Variants in AHCY observed in about 807,000 individuals in gnomAD.
AHCY encodes S-adenosyl-L-homocysteine hydrolase.
A neutral mutation model predicts 45.4 loss-of-function variants in AHCY; 24 were observed. The observed-to-expected ratio is 0.53, with a 90% CI of 0.38 to 0.74. AHCY has a LOEUF of 0.74. AHCY is among the 30% of genes least tolerant of loss of function. The pLI is 0.00. For synonymous variants in AHCY, 245 were observed against 235.1 expected, an observed-to-expected ratio of 1.04 and a Z score of -0.39; for missense variants, 449 against 594.1, an observed-to-expected ratio of 0.76 and a Z score of 2.54.
downstream of AHCY, among the ~76,000 whole-genome samples, chr20:34,278,557 T>A (rs1032173957): frequency 2.6e-5 from 4 of 152,118 alleles, no homozygotes; most frequent in African/African-American, 9.7e-5. Context: ...GCCCTCTGGT[T>A]TACAGTTCCA....
intron 2 of AHCY, among the ~76,000 whole-genome samples, chr20:34,294,360 TCACTCCA>T (rs2036504202): frequency 6.6e-6 from 1 of 152,104 alleles, no homozygotes; most frequent in African/African-American, 2.4e-5. Flanking sequence ...TTTTAAAACC[TCACTCCA>T]GTGCTGTGTG....
upstream of AHCY, among the ~76,000 whole-genome samples, chr20:34,306,079 CAAAAA>C (rs56039506): frequency 6.8e-5 from 7 of 103,100 alleles, no homozygotes; most frequent in Admixed American, 1.1e-4. Context: ...AAGACTGCCT[CAAAAA>C]AAAAAAAAAA....
chr20:34,299,174 G>GA (rs2036688261), intron 1 of AHCY, among the ~76,000 whole-genome samples: 1 of 151,952 alleles, frequency 6.6e-6, no homozygotes, highest in Non-Finnish European at 1.5e-5. Flanking sequence ...GAGACCCACC[G>GA]ACCCTATGGG....
At chr20:34,262,446 A>G in the AHCY span, among the ~76,000 whole-genome samples, 1 of 152,180 alleles carries the variant, frequency 6.6e-6, no homozygotes, top group Non-Finnish European at 1.5e-5. Flanking sequence ...ACAAGACAGG[A>G]GTCCATTTTC....
rs774178346 is a variant in AHCY, at chr20:34,290,804, G to A, written c.693C>T (p.Ala231=). Residue 231 remains alanine (A), a synonymous_variant, in exon 6 of 10, where the codon GCC becomes GCT. Transcript: ENST00000217426. The surrounding 1 kb of genome is among the most constrained non-coding windows in gnomAD (Gnocchi z 4.5). The stretch of plus-strand genomic sequence containing the variant: ...TGACGCGGGCTCCGAAACCCCGCAG[G>A]GCCTGGGCACAGCCCTTGCCCACAT... The part of the protein sequence containing the change: ...YGDVGKGCAQ[A]LRGFGARVII... The A allele has an allele frequency of 6.2e-7, 1 of 1,614,084 alleles. No homozygotes were observed. Among genetic ancestry groups the A allele is most frequent in the Non-Finnish European group, 8.5e-7 (1 of 1,180,012 alleles).
the AHCY span, among the ~76,000 whole-genome samples, chr20:34,244,476 C>T: frequency 2.6e-5 from 4 of 152,106 alleles, no homozygotes; most frequent in African/African-American, 9.7e-5. Context: ...CTGAGGTGCC[C>T]GCCTTTGACA....
At chr20:34,243,467 T>A in the AHCY span, among the ~76,000 whole-genome samples, 1 of 151,136 alleles carries the variant, frequency 6.6e-6, no homozygotes, top group South Asian at 2.1e-4. Context: ...TTATTCTGAA[T>A]TTTTTTTTAC....
the AHCY span, among the ~76,000 whole-genome samples, chr20:34,268,518 T>C: frequency 1.3e-5 from 2 of 151,080 alleles, no homozygotes; most frequent in African/African-American, 4.9e-5. Flanking sequence ...AGCTCAAGAG[T>C]TTGAGACCAA....
Position 34,292,372 on chromosome 20 carries a change from G to C in AHCY, c.431C>G (p.Pro144Arg), listed in dbSNP as rs556286156. The change falls in exon 4 of 10, where the codon CCG becomes CGG. Residue 144 changes from proline to arginine, a missense_variant. Pro to Arg is a moderately radical substitution (Grantham distance 103, BLOSUM62 -2). Transcript: ENST00000217426. Reference protein sequence around the residue: ...DLTNLIHTKYPQLLPGIRGIS... With the variant: ...DLTNLIHTKYRQLLPGIRGIS... Reference sequence around the variant, plus strand: ...GCCCTGCTCACCTGGCAGAAGCTGCGGGTACTTGGTGTGGATGAGGTTGGT... The same window carrying C: ...GCCCTGCTCACCTGGCAGAAGCTGCCGGTACTTGGTGTGGATGAGGTTGGT... 3.7e-6 allele frequency: 6 copies of C among 1,613,328 alleles called. No homozygotes were observed. Among genetic ancestry groups the C allele is most frequent in the Non-Finnish European group, 5.1e-6 (6 of 1,179,994 alleles).
intron 9 of AHCY, among the ~76,000 whole-genome samples, chr20:34,284,908 TC>T (rs914620471): frequency 6.6e-6 from 1 of 152,220 alleles, no homozygotes; most frequent in Non-Finnish European, 1.5e-5. Flanking sequence ...TCTCTGGCTC[TC>T]CTGAAAGGTT....
chr20:34,235,611 T>G, the AHCY span, among the ~76,000 whole-genome samples: 549 of 151,810 alleles, frequency 3.6e-3, 2 homozygotes, highest in Middle Eastern at 0.017. Context: ...ACAAAAAGTT[T>G]GTTTGTGATG....
In AHCY at chr20:34,303,343, G is replaced by C; in HGVS notation, c.-73C>G. 2 of 1,545,108 alleles carry C rather than the reference G, an allele frequency of 1.3e-6. No individual in the cohort carries two copies. The highest frequency in any genetic ancestry group is 1.8e-6 in the Non-Finnish European group (2 of 1,141,038). ...TCTGGGAACAGGAACTGGGCGGGCAGCGCCGAGCAGGGATATGCGCGTGGC... is the reference window on the plus strand; with the variant it reads ...TCTGGGAACAGGAACTGGGCGGGCACCGCCGAGCAGGGATATGCGCGTGGC... On this transcript the variant is annotated 5_prime_UTR_variant, in exon 1 of 10. Transcript: ENST00000217426.
At chr20:34,269,669 G>A in the AHCY span, among the ~76,000 whole-genome samples, 11 of 151,950 alleles carry the variant, frequency 7.2e-5, 1 homozygote, top group South Asian at 2.3e-3. Context: ...AAGAGGCCAA[G>A]CGCGGTGGCT....
rs764698901 is a variant in AHCY, at chr20:34,285,467, G to T, written c.1140C>A (p.Pro380=). 3 of 1,613,918 alleles carry T rather than the reference G, an allele frequency of 1.9e-6. No individual in the cohort carries two copies. Among genetic ancestry groups the T allele is most frequent in the Non-Finnish European group, 2.5e-6 (3 of 1,179,926 alleles). Residue 380 remains proline, a synonymous_variant, in exon 9 of 10, where the codon CCC becomes CCA. Coordinates refer to ENST00000217426, the MANE Select transcript of AHCY (RefSeq NM_000687.4). ...IELWTHPDKY[P]VGVHFLPKKL... is the part of the protein sequence containing the mutation. The stretch of plus-strand genomic sequence containing the variant: ...TCTTGGGCAGGAAATGAACCCCAAC[G>T]GGGTACTTGTCTGGATGGGTCCACA...
chr20:34,281,318 T>C, intron 9 of AHCY, 153 bp from the exon 10 acceptor site: 1 of 1,293,438 alleles, frequency 7.7e-7, no homozygotes. Flanking sequence ...CCAGCCTCAG[T>C]TAATGTGTTG....
chr20:34,294,177 A>T, intron 2 of AHCY, 21 bp from the exon 3 acceptor site: 1 of 1,610,920 alleles, frequency 6.2e-7, no homozygotes, highest in Non-Finnish European at 8.5e-7. Context: ...CATCAAAACA[A>T]GGCTGTTGGT....
chr20:34,296,593 T>C (rs1210916068), intron 1 of AHCY, among the ~76,000 whole-genome samples: 4 of 152,164 alleles, frequency 2.6e-5, no homozygotes, highest in Non-Finnish European at 4.4e-5. Flanking sequence ...ACTATCTCAA[T>C]ACTCTCCCCT....
chr20:34,253,774 G>A, the AHCY span, among the ~76,000 whole-genome samples: 3 of 152,002 alleles, frequency 2.0e-5, no homozygotes, highest in Non-Finnish European at 2.9e-5. Flanking sequence ...CCTTAAAACT[G>A]AGAAAGCTGA....
At chr20:34,259,174 C>A in the AHCY span, among the ~76,000 whole-genome samples, 2 of 147,654 alleles carry the variant, frequency 1.4e-5, no homozygotes, top group African/African-American at 5.3e-5. Flanking sequence ...TGTGCCACTG[C>A]ACTCCAGCCT....
Sources: allele counts gnomAD v4.1 joint callset (sites outside exome capture counted in the v4.1 genomes callset), GRCh38; gene constraint gnomAD v4.1.1; non-coding constraint Gnocchi (gnomAD v3.1); transcripts MANE v1.5; gene names NCBI Gene and HGNC (gene_info 2026-07-23, HGNC 2026-07-21).